The following MTDH variants were observed in gnomAD, a reference collection of about 807,000 sequenced individuals.
MTDH encodes the protein metadherin.
A neutral mutation model predicts 72.7 loss-of-function variants in MTDH; 34 were observed. The observed-to-expected ratio is 0.47, with a 90% CI of 0.36 to 0.62. The LOEUF (loss-of-function observed/expected upper bound fraction) is 0.62, where lower values mean the gene tolerates loss of function less well. Among genes scored for constraint, MTDH ranks in the 20% least tolerant of loss-of-function variants. The pLI, the probability that MTDH is intolerant of heterozygous loss-of-function variation, is 0.00. For missense variants in MTDH, 677 were observed against 699.4 expected (o/e 0.97, Z 0.36); for synonymous variants, 266 against 268.9 (o/e 0.99, Z 0.10).
chr8:97,707,907 T>A (rs1298672340), intron 8 of MTDH, among the ~76,000 whole-genome samples: 1 of 149,886 alleles, frequency 6.7e-6, no homozygotes, highest in Non-Finnish European at 1.5e-5. Flanking sequence ...ATTTGACTGA[T>A]AAAGTAAGGT....
intron 6 of MTDH, chr8:97,696,396 A>T: frequency 2.1e-5 from 9 of 434,856 alleles, no homozygotes; most frequent in South Asian, 9.8e-5. Flanking sequence ...CTATCAATAT[A>T]AATAGCAGGT....
intron 8 of MTDH, among the ~76,000 whole-genome samples, chr8:97,710,663 G>A (rs1247060587): frequency 7.5e-6 from 1 of 134,152 alleles, no homozygotes; most frequent in Admixed American, 8.5e-5. Context: ...TCCAGCCTGG[G>A]CAACAGAGTG....
At chr8:97,707,449 C>CTTTTT (rs35528230) in intron 8 of MTDH, among the ~76,000 whole-genome samples, 49 of 80,196 alleles carry the variant, frequency 6.1e-4, no homozygotes, top group African/African-American at 7.1e-4. Flanking sequence ...CATGCCTGGC[C>CTTTTT]TTTTTTTTTT....
At position 97,713,874 on chromosome 8, in the gene MTDH, ACAT is replaced by A. The variant is rs1268413759; in HGVS notation, c.1380+109_1380+111del. The A allele has an allele frequency of 1.2e-5, 6 of 521,140 alleles. No homozygotes were observed. The East Asian group carries it at 1.9e-4, about 16-fold the overall frequency. The allele number at this position is 521,140 out of a possible 1,614,324, so 32.3% of individuals were successfully genotyped here. On this transcript the variant is annotated intron_variant, in intron 9 of 11. Transcript: ENST00000336273. The stretch of plus-strand genomic sequence containing the variant: ...ACATAGAGATAAAAGACAGTATGAG[ACAT>A]CATTTATTTGAAAAATCATAGACTG...
In MTDH at chr8:97,663,760, A is replaced by AG. The variant is rs1367757523; in HGVS notation, c.483+2587_483+2588insG. Among the ~76,000 whole-genome samples, 861 of 151,786 alleles carry AG rather than the reference A, an allele frequency of 5.7e-3. 7 individuals carry two copies. The highest frequency in any genetic ancestry group is 0.019 in the African/African-American group (779 of 41,364). Reference sequence around the variant, plus strand: ...CAAGACTCTGTCTCAAAAAAAAAAAAAAAAAAAAGACTTTATGGTTGTTTA... The same window carrying AG: ...CAAGACTCTGTCTCAAAAAAAAAAAAGAAAAAAAAGACTTTATGGTTGTTTA... On this transcript the variant is annotated intron_variant, in intron 2 of 11. Coordinates refer to ENST00000336273, the MANE Select transcript of MTDH (RefSeq NM_178812.4).
intron 6 of MTDH, among the ~76,000 whole-genome samples, chr8:97,697,150 A>ATATATATATATT: frequency 2.9e-5 from 2 of 68,792 alleles, no homozygotes; most frequent in Non-Finnish European, 4.9e-5. Context: ...ATATATATAT[A>ATATATATATATT]TTTTTTTTTT....
chr8:97,707,804 T>C (rs1389622051), intron 8 of MTDH, among the ~76,000 whole-genome samples: 1 of 151,732 alleles, frequency 6.6e-6, no homozygotes, highest in Non-Finnish European at 1.5e-5. Context: ...TCCCAGCTAT[T>C]CAGGGGGCTG....
At chr8:97,655,540 G>T (rs1811936141) in intron 1 of MTDH, among the ~76,000 whole-genome samples, 1 of 152,222 alleles carries the variant, frequency 6.6e-6, no homozygotes, top group South Asian at 2.1e-4. Flanking sequence ...ATGGATGCCT[G>T]TCCAGGCCCT....
At chr8:97,706,430 C>A in intron 7 of MTDH, 196 bp from the exon 8 acceptor site, 1 of 348,690 alleles carries the variant, frequency 2.9e-6, no homozygotes, top group South Asian at 9.7e-5. Flanking sequence ...TCCATTTAAC[C>A]ATATGATATG....
intron 10 of MTDH, among the ~76,000 whole-genome samples, chr8:97,721,732 A>G (rs550401067): frequency 3.7e-4 from 56 of 152,354 alleles, no homozygotes; most frequent in African/African-American, 1.3e-3. Context: ...TCATTTATTA[A>G]TGGATATGCT....
chr8:97,719,492 C>CAAAAAAAAAAAAAA (rs11383714), intron 10 of MTDH, among the ~76,000 whole-genome samples: 1 of 79,934 alleles, frequency 1.3e-5, no homozygotes, highest in African/African-American at 4.1e-5. Flanking sequence ...GACACTGTCT[C>CAAAAAAAAAAAAAA]AAAAAAAAAA....
chr8:97,711,639 C>G lies in MTDH; in HGVS notation c.1273-2023C>G, dbSNP rs1393129010. Among the ~76,000 whole-genome samples, 6 of 152,312 alleles carry G rather than the reference C, an allele frequency of 3.9e-5. No individual in the cohort carries two copies. In the South Asian group the frequency reaches 6.2e-4, roughly 16 times the overall value. ...ACCGCTCCCCACCTCCACTTATACACGGGATACATTCCAAGACTCCCAGTG... is the reference window on the plus strand; with the variant it reads ...ACCGCTCCCCACCTCCACTTATACAGGGGATACATTCCAAGACTCCCAGTG... On this transcript the variant is annotated intron_variant, in intron 8 of 11. Transcript: ENST00000336273.
At chr8:97,681,074 G>C (rs1287349170) in intron 2 of MTDH, among the ~76,000 whole-genome samples, 1 of 152,132 alleles carries the variant, frequency 6.6e-6, no homozygotes, top group Non-Finnish European at 1.5e-5. Context: ...GAAAGGAAAA[G>C]GGGGACAGTG....
chr8:97,686,599 G>A (rs1813373657), intron 2 of MTDH, 69 bp from the exon 3 acceptor site: 1 of 889,394 alleles, frequency 1.1e-6, no homozygotes, highest in Non-Finnish European at 1.6e-6. Context: ...ATTTCATTAT[G>A]TATTTTACTG....
intron 2 of MTDH, among the ~76,000 whole-genome samples, chr8:97,681,022 A>T (rs1028680399): frequency 6.6e-6 from 1 of 152,158 alleles, no homozygotes. Context: ...AATCTTTTTC[A>T]GTTTTAAATG....
chr8:97,676,990 G>GCAAAACTCTGTCT (rs1340732923), intron 2 of MTDH, among the ~76,000 whole-genome samples: 21 of 90,794 alleles, frequency 2.3e-4, no homozygotes, highest in Non-Finnish European at 3.2e-4. Flanking sequence ...GGGCGACAGA[G>GCAAAACTCTGTCT]TGAGACTCTA....
At chr8:97,669,389 C>A (rs556691387) in intron 2 of MTDH, among the ~76,000 whole-genome samples, 2 of 152,064 alleles carry the variant, frequency 1.3e-5, no homozygotes, top group African/African-American at 2.4e-5. Context: ...CTCAAGCGAT[C>A]CACCTGCCTC....
At chr8:97,678,261 C>T (rs1277320351) in intron 2 of MTDH, among the ~76,000 whole-genome samples, 1 of 152,104 alleles carries the variant, frequency 6.6e-6, no homozygotes, top group Admixed American at 6.6e-5. Flanking sequence ...TAAACAAAAA[C>T]CACTGATGGA....
intron 7 of MTDH, chr8:97,706,301 A>T (rs1392426860): frequency 6.1e-6 from 1 of 163,078 alleles, no homozygotes; most frequent in Non-Finnish European, 1.3e-5. Flanking sequence ...GGAGAAAACA[A>T]CCAGGTCCTA....
Sources: gnomAD v4.1 joint callset for allele counts (sites outside exome capture counted in the v4.1 genomes callset) on GRCh38, gnomAD v4.1.1 for gene constraint, MANE v1.5 for transcripts, NCBI Gene and HGNC (gene_info 2026-07-23, HGNC 2026-07-21) for gene names.